Variants in CACNG3 observed in about 807,000 individuals in gnomAD.
CACNG3 encodes the protein voltage-dependent calcium channel gamma-3 subunit.
In CACNG3, 3 loss-of-function variants were observed where a neutral mutation model predicts 28.5. The observed-to-expected ratio is 0.11, with a 90% CI of 0.05 to 0.27. The LOEUF (loss-of-function observed/expected upper bound fraction) is 0.27, where lower values mean the gene tolerates loss of function less well. Among genes scored for constraint, CACNG3 ranks in the 10% least tolerant of loss-of-function variants. CACNG3 has a pLI of 1.00. For synonymous variants in CACNG3, 174 were observed against 162.2 expected (o/e 1.07, Z -0.55); for missense variants, 236 against 414.4 (o/e 0.57, Z 3.74).
intron 1 of CACNG3, among the ~76,000 whole-genome samples, chr16:24,275,088 C>T (rs539983901): frequency 7.9e-5 from 12 of 151,942 alleles, no homozygotes; most frequent in Admixed American, 2.0e-4. Context: ...GGCTGGGCAA[C>T]GTGGTGCACA....
intron 1 of CACNG3, among the ~76,000 whole-genome samples, chr16:24,286,277 C>T (rs900645938): frequency 1.3e-5 from 2 of 151,856 alleles, no homozygotes; most frequent in African/African-American, 4.8e-5. Flanking sequence ...GGCTAGATTA[C>T]CAAAAGCAAT....
At chr16:24,273,663 T>C (rs888650622) in intron 1 of CACNG3, among the ~76,000 whole-genome samples, 1 of 152,206 alleles carries the variant, frequency 6.6e-6, no homozygotes, top group Admixed American at 6.5e-5. Context: ...TTTCTGAGAT[T>C]ACATTTTTCT....
At chr16:24,272,515 A>G (rs867527727) in intron 1 of CACNG3, among the ~76,000 whole-genome samples, 6 of 152,018 alleles carry the variant, frequency 3.9e-5, no homozygotes, top group Non-Finnish European at 7.4e-5. Flanking sequence ...ACATTATTTT[A>G]TAATATTTTA....
chr16:24,312,969 A>G (rs868318600), intron 1 of CACNG3, among the ~76,000 whole-genome samples: 24 of 102,770 alleles, frequency 2.3e-4, no homozygotes, highest in South Asian at 6.9e-4. Context: ...AAGAAAGAAA[A>G]GAAAGAAAGA....
rs116138532 is a variant in CACNG3, at chr16:24,308,705, C to T, written c.212-38029C>T. Among the ~76,000 whole-genome samples, 976 of 151,556 alleles carry T rather than the reference C, an allele frequency of 6.4e-3. 11 individuals are homozygous for T. The highest frequency in any genetic ancestry group is 0.022 in the African/African-American group (897 of 41,362). On this transcript the variant is annotated intron_variant, in intron 1 of 3. Transcript: ENST00000005284. ...ACAAAAGATTTAAAAATTAGCCAGCCATGTTGGCATGTGCCTCCCAGCTAC... is the reference window on the plus strand; with the variant it reads ...ACAAAAGATTTAAAAATTAGCCAGCTATGTTGGCATGTGCCTCCCAGCTAC...
At chr16:24,305,407 G>A (rs1415848432) in intron 1 of CACNG3, among the ~76,000 whole-genome samples, 1 of 150,966 alleles carries the variant, frequency 6.6e-6, no homozygotes, top group Non-Finnish European at 1.5e-5. Context: ...CACCCAGGCT[G>A]GAGTGGAATA....
intron 1 of CACNG3, among the ~76,000 whole-genome samples, chr16:24,337,156 A>C (rs1181283236): frequency 6.6e-6 from 1 of 152,166 alleles, no homozygotes; most frequent in African/African-American, 2.4e-5. Flanking sequence ...GGACGTGAGC[A>C]TTCAGTCCAT....
At chr16:24,305,311 T>A (rs1207544540) in intron 1 of CACNG3, among the ~76,000 whole-genome samples, 1 of 143,340 alleles carries the variant, frequency 7.0e-6, no homozygotes, top group Non-Finnish European at 1.5e-5. Context: ...CAAACTTATA[T>A]ACATAAATAT....
intron 1 of CACNG3, among the ~76,000 whole-genome samples, chr16:24,311,490 C>T (rs368775821): frequency 1.5e-4 from 21 of 143,112 alleles, no homozygotes; most frequent in South Asian, 1.1e-3. Flanking sequence ...GCCTGGGTGA[C>T]AGAACAAGAC....
At chr16:24,288,872 A>AACAC (rs143449429) in intron 1 of CACNG3, among the ~76,000 whole-genome samples, 95 of 148,754 alleles carry the variant, frequency 6.4e-4, no homozygotes, top group African/African-American at 7.9e-4. Flanking sequence ...GTGACACATA[A>AACAC]ACACACACAC....
intron 1 of CACNG3, among the ~76,000 whole-genome samples, chr16:24,339,121 T>TTTTAA (rs1473950492): frequency 6.6e-6 from 1 of 152,212 alleles, no homozygotes; most frequent in African/African-American, 2.4e-5. Flanking sequence ...CTCCATACTG[T>TTTTAA]TTTAATTCTC....
intron 1 of CACNG3, among the ~76,000 whole-genome samples, chr16:24,317,566 GA>G (rs1567217337): frequency 5.5e-4 from 22 of 39,786 alleles, no homozygotes; most frequent in Non-Finnish European, 8.8e-4. Flanking sequence ...AAGAAAGAAA[GA>G]AAGAAAGAAA....
intron 1 of CACNG3, among the ~76,000 whole-genome samples, chr16:24,321,424 G>A (rs1338308625): frequency 6.6e-6 from 1 of 152,136 alleles, no homozygotes; most frequent in Non-Finnish European, 1.5e-5. Flanking sequence ...CTGGGCAATG[G>A]AGTGAGACTC....
chr16:24,314,312 G>C (rs183923419), intron 1 of CACNG3, among the ~76,000 whole-genome samples: 49 of 152,266 alleles, frequency 3.2e-4, no homozygotes, highest in African/African-American at 6.0e-4. Flanking sequence ...AGCCAGAGAC[G>C]CTTCTCAGTG....
chr16:24,300,451 A>G (rs1224352424), intron 1 of CACNG3, among the ~76,000 whole-genome samples: 3 of 152,118 alleles, frequency 2.0e-5, no homozygotes, highest in African/African-American at 7.2e-5. Context: ...TGGGGGGGAA[A>G]CCAGAAATCT....
At chr16:24,285,635 G>A (rs553778283) in intron 1 of CACNG3, among the ~76,000 whole-genome samples, 2 of 152,100 alleles carry the variant, frequency 1.3e-5, no homozygotes, top group African/African-American at 4.8e-5. Context: ...GGGCAACATG[G>A]TGAGACCCTG....
intron 1 of CACNG3, among the ~76,000 whole-genome samples, chr16:24,288,907 A>G (rs1391262371): frequency 6.6e-6 from 1 of 152,060 alleles, no homozygotes; most frequent in Non-Finnish European, 1.5e-5. Flanking sequence ...CAGACACTTA[A>G]TTAGTGAGAA....
rs539629558 is a variant in CACNG3 at position 24,311,885 on chromosome 16, A to G, written c.212-34849A>G. Among the ~76,000 whole-genome samples, 31 of 152,356 alleles carry G rather than the reference A, an allele frequency of 2.0e-4. 1 individual carries two copies. In the South Asian group the frequency reaches 6.2e-3, roughly 31 times the overall value. ...TAAACAAATAAAATTAAATGGTGGT[A>G]AGTAAAGGCACAAAGGAAAGAGACG... On this transcript the variant is annotated intron_variant, in intron 1 of 3. Transcript: ENST00000005284.
At chr16:24,259,629 A>G (rs980584155) in intron 1 of CACNG3, among the ~76,000 whole-genome samples, 1 of 152,210 alleles carries the variant, frequency 6.6e-6, no homozygotes, top group Admixed American at 6.5e-5. Flanking sequence ...AGAGAATGCC[A>G]AGGAGAACAT....
Sources: gnomAD v4.1 joint callset for allele counts (sites outside exome capture counted in the v4.1 genomes callset) on GRCh38, gnomAD v4.1.1 for gene constraint, MANE v1.5 for transcripts, NCBI Gene and HGNC (gene_info 2026-07-23, HGNC 2026-07-21) for gene names.